The following TTLL7 variants were observed in gnomAD, a reference collection of about 807,000 sequenced individuals.
The protein encoded by TTLL7 is tubulin tyrosine ligase like 7.
TTLL7 carries 53 observed loss-of-function variants against 120.2 expected under a neutral mutation model. That is an observed-to-expected ratio of 0.44 (90% CI 0.35 to 0.55). The LOEUF (loss-of-function observed/expected upper bound fraction) is 0.55, where lower values mean the gene tolerates loss of function less well. TTLL7 is among the 20% of genes least tolerant of loss of function. The pLI, the probability that TTLL7 is intolerant of heterozygous loss-of-function variation, is 0.00. For missense variants in TTLL7, 803 were observed against 1,054.7 expected (o/e 0.76, Z 3.31); for synonymous variants, 353 against 351.7 (o/e 1.00, Z -0.04).
At chr1:83,990,200 G>C (rs1473411647) in intron 1 of TTLL7, among the ~76,000 whole-genome samples, 2 of 127,250 alleles carry the variant, frequency 1.6e-5, no homozygotes, top group Non-Finnish European at 3.1e-5. Flanking sequence ...ACGGAGTCTC[G>C]CTCTGTCGCC....
At chr1:83,908,535 T>C (rs1657405616) in intron 15 of TTLL7, among the ~76,000 whole-genome samples, 1 of 151,968 alleles carries the variant, frequency 6.6e-6, no homozygotes, top group Non-Finnish European at 1.5e-5. Flanking sequence ...TCAGAACAAA[T>C]ATCTAAGAGA....
intron 19 of TTLL7, among the ~76,000 whole-genome samples, chr1:83,888,652 A>G (rs970789024): frequency 1.3e-5 from 2 of 151,998 alleles, no homozygotes; most frequent in Non-Finnish European, 2.9e-5. Context: ...CAGATATTAA[A>G]TGACATCAAC....
At position 83,869,279 on chromosome 1, in the gene TTLL7, C is replaced by G. The variant is rs1406372941; in HGVS notation, c.*683G>C. 6.6e-6 allele frequency: 1 copy of G among 152,132 alleles called. No homozygotes were observed. The highest frequency in any genetic ancestry group is 2.4e-5 in the African/African-American group (1 of 41,390). The allele number at this position is 152,132 out of a possible 1,614,324, so 9.4% of individuals were successfully genotyped here. On this transcript the variant is annotated 3_prime_UTR_variant, in exon 21 of 21. Coordinates refer to ENST00000260505, the MANE Select transcript of TTLL7 (RefSeq NM_024686.6). ...GCGTGAGCCACCGCGCCCAGCCTGT[C>G]TTTCATGTTAGATCATAATATGATC...
At position 83,897,048 on chromosome 1, in the gene TTLL7, C is replaced by T. The variant is rs556266686; in HGVS notation, c.2209-6567G>A. ...TTCTTTTCAGGATTTAATTCCCATA[C>T]CCTTGATCTTTACATTTTACATCCA... is the stretch of plus-strand genomic sequence containing the variant. On this transcript the variant is annotated intron_variant, in intron 18 of 20. Coordinates refer to ENST00000260505, the MANE Select transcript of TTLL7 (RefSeq NM_024686.6). Among the ~76,000 whole-genome samples the T allele has an allele frequency of 3.3e-5, 5 of 152,118 alleles. No homozygotes were observed. In the East Asian group the frequency reaches 5.8e-4, roughly 18 times the overall value.
At chr1:83,928,685 T>C (rs896575078) in intron 10 of TTLL7, among the ~76,000 whole-genome samples, 6 of 152,264 alleles carry the variant, frequency 3.9e-5, no homozygotes, top group Non-Finnish European at 5.9e-5. Context: ...GAAATCCATG[T>C]TTGAGTTTTT....
chr1:83,998,743 G>A (rs935520744), intron 1 of TTLL7, among the ~76,000 whole-genome samples, 188 bp downstream of exon 1: 20 of 152,240 alleles, frequency 1.3e-4, no homozygotes, highest in Non-Finnish European at 2.5e-4. Flanking sequence ...ACCTCTCAGG[G>A]CACGAATGGT....
At chr1:83,980,654 C>T (rs1337186598) in intron 1 of TTLL7, 10 of 152,020 alleles carry the variant, frequency 6.6e-5, no homozygotes, top group Non-Finnish European at 1.2e-4. Context: ...GCTCTCTTAA[C>T]ACAAAGAAAA....
intron 1 of TTLL7, among the ~76,000 whole-genome samples, chr1:83,965,316 AGTGAGT>A (rs1300812586): frequency 2.0e-5 from 3 of 152,074 alleles, no homozygotes; most frequent in Non-Finnish European, 4.4e-5. Context: ...TTCTTGTGAT[AGTGAGT>A]GAGTTCTCAC....
chr1:83,981,147 CTT>C (rs1651913884), intron 1 of TTLL7: 1 of 151,896 alleles, frequency 6.6e-6, no homozygotes, highest in African/African-American at 2.4e-5. Flanking sequence ...AAAAAGCAGA[CTT>C]GATATATCAA....
intron 15 of TTLL7, among the ~76,000 whole-genome samples, chr1:83,907,903 A>G (rs1037173890): frequency 6.6e-6 from 1 of 152,084 alleles, no homozygotes; most frequent in Non-Finnish European, 1.5e-5. Context: ...ACTATCAACA[A>G]TCCTTCAATG....
At chr1:83,914,566 G>A (rs901380851) in intron 14 of TTLL7, among the ~76,000 whole-genome samples, 2 of 151,932 alleles carry the variant, frequency 1.3e-5, no homozygotes, top group East Asian at 1.9e-4. Context: ...TCTTGACCTC[G>A]TGATCCGCCT....
At chr1:83,948,561 T>C (rs1648733100) in intron 5 of TTLL7, 67 bp downstream of exon 5, 1 of 1,005,602 alleles carries the variant, frequency 9.9e-7, no homozygotes. Context: ...TTGTGAAAGA[T>C]AGCACTACAG....
At chr1:83,948,184 AAC>A (rs35199174) in intron 5 of TTLL7, among the ~76,000 whole-genome samples, 8,381 of 147,172 alleles carry the variant, frequency 0.057, 729 homozygotes, top group African/African-American at 0.19. Flanking sequence ...GACACACACA[AAC>A]ACACACACAC....
At chr1:83,998,034 G>C (rs1653645207) in intron 1 of TTLL7, among the ~76,000 whole-genome samples, 1 of 152,166 alleles carries the variant, frequency 6.6e-6, no homozygotes, top group Non-Finnish European at 1.5e-5. Flanking sequence ...GCTGTTGTTT[G>C]AGATTACTCC....
At chr1:83,942,153 A>T (rs973100874) in intron 7 of TTLL7, among the ~76,000 whole-genome samples, 2 of 152,164 alleles carry the variant, frequency 1.3e-5, no homozygotes, top group African/African-American at 4.8e-5. Flanking sequence ...AGTATTATTT[A>T]TAATATAGTC....
chr1:83,905,543 T>C (rs1657125721), intron 17 of TTLL7, among the ~76,000 whole-genome samples: 1 of 150,480 alleles, frequency 6.6e-6, no homozygotes, highest in Admixed American at 6.6e-5. Context: ...ATATATTTTA[T>C]ATACATAATT....
Position 83,937,832 on chromosome 1 carries a change from G to A in TTLL7, c.888+20C>T, listed in dbSNP as rs1462694555. On this transcript the variant is annotated intron_variant, in intron 8 of 20. Coordinates refer to ENST00000260505, the MANE Select transcript of TTLL7 (RefSeq NM_024686.6). The stretch of plus-strand genomic sequence containing the variant: ...TTGCTGAGGAAAGACTGTTATAATT[G>A]TGGAATGGCATAATCTTACTGAAAT... The A allele has an allele frequency of 1.2e-6, 2 of 1,612,350 alleles. No individual in the cohort carries two copies. Among genetic ancestry groups the A allele is most frequent in the African/African-American group, 1.3e-5 (1 of 74,882 alleles).
At chr1:83,895,200 A>G (rs1380417213) in intron 18 of TTLL7, among the ~76,000 whole-genome samples, 4 of 152,098 alleles carry the variant, frequency 2.6e-5, no homozygotes, top group African/African-American at 9.7e-5. Flanking sequence ...ATGCATATAA[A>G]GGGAGTAAAC....
rs547400583 is a variant in TTLL7 at position 83,895,970 on chromosome 1, C to T, written c.2209-5489G>A. ...TTAGAAGGCTATACAGATGGGGAGACAATGACTGTACTTTTAGCCAAATAC... is the reference window on the plus strand; with the variant it reads ...TTAGAAGGCTATACAGATGGGGAGATAATGACTGTACTTTTAGCCAAATAC... On this transcript the variant is annotated intron_variant, in intron 18 of 20. Coordinates refer to ENST00000260505, the MANE Select transcript of TTLL7 (RefSeq NM_024686.6). 1.4e-4 allele frequency among the ~76,000 whole-genome samples: 22 copies of T among 152,156 alleles called. No homozygotes were observed. The East Asian group carries it at 3.5e-3, about 24-fold the overall frequency.
Sources: gnomAD v4.1 joint callset for allele counts (sites outside exome capture counted in the v4.1 genomes callset) on GRCh38, gnomAD v4.1.1 for gene constraint, MANE v1.5 for transcripts, NCBI Gene and HGNC (gene_info 2026-07-23, HGNC 2026-07-21) for gene names.